WASHC2A: variants seen among roughly 807,000 people sequenced by gnomAD.
The protein encoded by WASHC2A is WASH complex subunit 2A, also known as WASH complex subunit FAM21A.
A neutral mutation model predicts 140.3 loss-of-function variants in WASHC2A; 82 were observed. The observed-to-expected ratio is 0.58, with a 90% CI of 0.49 to 0.70. WASHC2A has a LOEUF of 0.70. WASHC2A is among the 30% of genes least tolerant of loss of function. The pLI is 0.00. For synonymous variants in WASHC2A, 340 were observed against 560.8 expected (o/e 0.61, Z 5.56); for missense variants, 985 against 1,521.8 (o/e 0.65, Z 5.87).
chr10:50,115,163 C>T (rs1346770570), intron 21 of WASHC2A, among the ~76,000 whole-genome samples: 1 of 6,400 alleles, frequency 1.6e-4, no homozygotes, highest in South Asian at 4.5e-3. Flanking sequence ...ATAGCCTACA[C>T]GTTTTTGATT....
intron 2 of WASHC2A, among the ~76,000 whole-genome samples, chr10:50,068,662 A>C (rs556985386): frequency 6.7e-6 from 1 of 149,330 alleles, no homozygotes; most frequent in African/African-American, 2.5e-5. Context: ...TTTTTGAATA[A>C]GAGTGGTGGT....
intron 3 of WASHC2A, among the ~76,000 whole-genome samples, chr10:50,077,058 A>G (rs1397129059): frequency 6.6e-6 from 1 of 150,940 alleles, no homozygotes; most frequent in Non-Finnish European, 1.5e-5. Flanking sequence ...CAGAGCTTGC[A>G]GTGAGCCGAG....
At position 50,084,087 on chromosome 10, in the gene WASHC2A, C is replaced by G; in HGVS notation, c.544C>G (p.Arg182Gly). Residue 182 changes from arginine (R) to glycine (G), a missense_variant, in exon 6 of 31, where the codon CGT becomes GGT. By Grantham distance (125) the Arg-to-Gly change is moderately radical. Transcript: ENST00000282633. ...TGATGTACAGGATCTATACATTGAT[C>G]GTCCTTTACCATATCTCATTGGGTC... ...ILEPKDLYID[R>G]PLPYLIGSKL... The G allele has an allele frequency of 6.2e-7, 1 of 1,611,426 alleles. No individual in the cohort carries two copies. The highest frequency in any genetic ancestry group is 8.5e-7 in the Non-Finnish European group (1 of 1,179,808).
At chr10:50,109,025 G>A (rs1463423415) in intron 19 of WASHC2A, among the ~76,000 whole-genome samples, 12 of 151,356 alleles carry the variant, frequency 7.9e-5, no homozygotes, top group South Asian at 6.3e-4. Context: ...GGATTTCAGC[G>A]TTTAGTCACT....
rs1589300661 is a variant in WASHC2A at position 50,133,461 on chromosome 10, C to T, written c.*516C>T. On this transcript the variant is annotated 3_prime_UTR_variant, in exon 31 of 31. Coordinates refer to ENST00000282633, the MANE Select transcript of WASHC2A (RefSeq NM_001005751.3). ...AGGCAAAGTTTGGCAAACTGTGGCC[C>T]CCCCACTGTCATATTTTGTTAATAA... is the stretch of plus-strand genomic sequence containing the variant. The T allele has an allele frequency of 2.1e-5, 10 of 469,932 alleles. 1 individual carries two copies. Among genetic ancestry groups the T allele is most frequent in the South Asian group, 1.6e-4 (10 of 64,492 alleles). 29.1% of individuals were successfully genotyped at this position (469,932 alleles called of 1,614,324 possible).
rs545033394 is a variant in WASHC2A, at chr10:50,114,480, TA to T, written c.2142+491del. On this transcript the variant is annotated intron_variant, in intron 21 of 30. Transcript: ENST00000282633. ...TAGACTGTGGAATACTATACAGTGG[TA>T]AAAAAAACCCAGGGTGGAGCTTATT... Among the ~76,000 whole-genome samples, 265 of 108,346 alleles carry T rather than the reference TA, an allele frequency of 2.4e-3. 1 individual carries two copies. Among genetic ancestry groups the T allele is most frequent in the African/African-American group, 9.2e-3 (253 of 27,564 alleles). The allele number at this position is 108,346 out of a possible 152,430, so 71.1% of individuals were successfully genotyped here. A position where few individuals can be genotyped will look rare whatever the true frequency, so the allele number is the denominator to read the frequency against.
At chr10:50,131,406 G>A (rs1287634546) in intron 30 of WASHC2A, among the ~76,000 whole-genome samples, 3 of 152,308 alleles carry the variant, frequency 2.0e-5, no homozygotes, top group East Asian at 1.9e-4. Flanking sequence ...ATGACCTCAC[G>A]TGCTAAAGTA....
chr10:50,067,969 C>T lies in WASHC2A; in HGVS notation c.-37C>T, dbSNP rs1837419571. 1 of 1,599,260 alleles carries T rather than the reference C, an allele frequency of 6.3e-7. No homozygotes were observed. The highest frequency in any genetic ancestry group is 8.5e-7 in the Non-Finnish European group (1 of 1,174,696). Reference sequence around the variant, plus strand: ...GGGGCTCTGCAGTCCTCGGCGTGTGCTGGCAGCTTCGGAGCCCACCGAGCC... The same window carrying T: ...GGGGCTCTGCAGTCCTCGGCGTGTGTTGGCAGCTTCGGAGCCCACCGAGCC... On this transcript the variant is annotated 5_prime_UTR_variant, in exon 1 of 31. Coordinates refer to ENST00000282633, the MANE Select transcript of WASHC2A (RefSeq NM_001005751.3).
At chr10:50,127,453 C>T in intron 27 of WASHC2A, 130 bp from the exon 28 acceptor site, 22 of 1,604,402 alleles carry the variant, frequency 1.4e-5, no homozygotes, top group Admixed American at 1.0e-4. Context: ...CTAGATCGGG[C>T]GATTTTCCTA....
In WASHC2A at chr10:50,110,181, C is replaced by T; in HGVS notation, c.1950C>T (p.Thr650=). The T allele has an allele frequency of 6.2e-7, 1 of 1,611,550 alleles. No homozygotes were observed. Among genetic ancestry groups the T allele is most frequent in the East Asian group, 2.2e-5 (1 of 44,868 alleles). The change falls in exon 20 of 31, where the codon ACC becomes ACT. Residue 650 remains threonine, a synonymous_variant. Coordinates refer to ENST00000282633, the MANE Select transcript of WASHC2A (RefSeq NM_001005751.3). ...RSKGEPRDSG[T]LQSQEAKAVK... ...AAGGAGAACCCAGGGATTCTGGGACCCTCCAGAGCCAGGAGGCCAAGGCTG... is the reference window on the plus strand; with the variant it reads ...AAGGAGAACCCAGGGATTCTGGGACTCTCCAGAGCCAGGAGGCCAAGGCTG...
chr10:50,117,677 TAG>T (rs2132974933), intron 21 of WASHC2A, among the ~76,000 whole-genome samples: 1 of 136,120 alleles, frequency 7.3e-6, no homozygotes, highest in East Asian at 2.0e-4. Context: ...CAGACACAAG[TAG>T]ACAGATACAG....
intron 15 of WASHC2A, among the ~76,000 whole-genome samples, chr10:50,097,355 A>G (rs1448047106): frequency 1.3e-4 from 20 of 151,504 alleles, no homozygotes; most frequent in African/African-American, 4.6e-4. Context: ...TGGCCCTCTT[A>G]AATGATCTTT....
At chr10:50,121,395 CTTT>C (rs879039985) in intron 23 of WASHC2A, among the ~76,000 whole-genome samples, 10 of 132,522 alleles carry the variant, frequency 7.5e-5, no homozygotes, top group Non-Finnish European at 6.3e-5. Context: ...TAGTAACTTT[CTTT>C]TTTTTTTTTT....
chr10:50,126,106 T>A lies in WASHC2A; in HGVS notation c.2738T>A (p.Phe913Tyr), dbSNP rs1387879865. 5.0e-6 allele frequency: 8 copies of A among 1,613,718 alleles called. No individual in the cohort carries two copies. Among genetic ancestry groups the A allele is most frequent in the Non-Finnish European group, 6.8e-6 (8 of 1,179,856 alleles). The change falls in exon 26 of 31, where the codon TTC becomes TAC. Residue 913 changes from phenylalanine to tyrosine, a missense_variant. By Grantham distance (22) the Phe-to-Tyr change is conservative. Coordinates refer to ENST00000282633, the MANE Select transcript of WASHC2A (RefSeq NM_001005751.3). ...AAAAAAGACCACTCTGTTGACTCTT[T>A]CAAAAACCAGAAACATCCTGAATCC... ...VVKKDHSVDS[F>Y]KNQKHPESIQ...
rs1843335440 is a variant in WASHC2A, at chr10:50,125,244, C to T, written c.2607+3C>T. On this transcript the variant is annotated splice_donor_region_variant and intron_variant, in intron 24 of 30. Coordinates refer to ENST00000282633, the MANE Select transcript of WASHC2A (RefSeq NM_001005751.3). ...TTGCTGGCACCAAAAAAACCAAGGT[C>T]AGTTCCAAATGGTTCCCCACAGTAT... 2 of 1,608,348 alleles carry T rather than the reference C, an allele frequency of 1.2e-6. No individual in the cohort carries two copies. The highest frequency in any genetic ancestry group is 4.5e-5 in the East Asian group (2 of 44,818).
chr10:50,097,277 A>G (rs1352744621), intron 15 of WASHC2A, among the ~76,000 whole-genome samples: 4 of 151,130 alleles, frequency 2.6e-5, no homozygotes, highest in Admixed American at 6.7e-5. Context: ...CTGCTTTTGT[A>G]CAGTTTGATT....
intron 13 of WASHC2A, among the ~76,000 whole-genome samples, chr10:50,094,841 T>A (rs1326384693): frequency 1.3e-5 from 2 of 150,892 alleles, no homozygotes; most frequent in Non-Finnish European, 3.0e-5. Flanking sequence ...CTGGTCATGC[T>A]GTCCCTGCCT....
At chr10:50,099,569 GCTGTCCTGTACAGCTGGTCCCTCCT>G in intron 16 of WASHC2A, among the ~76,000 whole-genome samples, 1 of 150,542 alleles carries the variant, frequency 6.6e-6, no homozygotes, top group Non-Finnish European at 1.5e-5. Flanking sequence ...ACCTTTCACT[GCTGTCCTGTACAGCTGGTCCCTCCT>G]CTTTCTACAG....
At position 50,117,944 on chromosome 10, in the gene WASHC2A, C is replaced by G; in HGVS notation, c.2181C>G (p.Phe727Leu). Residue 727 changes from phenylalanine (F) to leucine (L), a missense_variant, in exon 22 of 31, where the codon TTC (phenylalanine) becomes TTG (leucine). Phe to Leu is a conservative substitution (Grantham distance 22). Coordinates refer to ENST00000282633, the MANE Select transcript of WASHC2A (RefSeq NM_001005751.3). Reference sequence around the variant, plus strand: ...TCTCTGAGGCACCACCTTTGCTGTTCAGCGATGAAGAAGAGAAGGAGGCAC... The same window carrying G: ...TCTCTGAGGCACCACCTTTGCTGTTGAGCGATGAAGAAGAGAAGGAGGCAC... ...ETVSEAPPLLFSDEEEKEAQL... is the reference protein window; with the variant it reads ...ETVSEAPPLLLSDEEEKEAQL... 1.3e-6 allele frequency: 2 copies of G among 1,561,428 alleles called. No individual in the cohort carries two copies. The highest frequency in any genetic ancestry group is 1.8e-6 in the Non-Finnish European group (2 of 1,140,970).
Sources: allele counts gnomAD v4.1 joint callset (sites outside exome capture counted in the v4.1 genomes callset), GRCh38; gene constraint gnomAD v4.1.1; transcripts MANE v1.5; gene names NCBI Gene and HGNC (gene_info 2026-07-23, HGNC 2026-07-21).